Variants in TSHZ2 observed in about 807,000 individuals in gnomAD.
TSHZ2 encodes the protein teashirt zinc finger homeobox 2, also known as teashirt homolog 2.
Under a neutral mutation model 74.4 loss-of-function variants are expected in TSHZ2, and 21 were observed. The observed-to-expected ratio is 0.28, with a 90% CI of 0.20 to 0.41. TSHZ2 has a LOEUF of 0.41. TSHZ2 is among the 10% of genes least tolerant of loss of function. The probability of loss-of-function intolerance (pLI) is 1.00; values close to 1 mark genes in which losing one functional copy is unlikely to be tolerated. For synonymous variants in TSHZ2, 540 were observed against 515.3 expected, an observed-to-expected ratio of 1.05 and a Z score of -0.65; for missense variants, 1,244 against 1,293.5, an observed-to-expected ratio of 0.96 and a Z score of 0.59.
At position 53,083,188 on chromosome 20, in the gene TSHZ2, G is replaced by T. The variant is rs370713306; in HGVS notation, c.40+109855G>T. On this transcript the variant is annotated intron_variant, in intron 1 of 2. Transcript: ENST00000371497. ...AGATTTATTAGAATTCTTTATGTGT[G>T]TGCATTTACAGTTAGGCATCTGTGC... Among the ~76,000 whole-genome samples, 125 of 152,308 alleles carry T rather than the reference G, an allele frequency of 8.2e-4. 4 individuals carry two copies. The South Asian group carries it at 0.025, about 31-fold the overall frequency.
intron 2 of TSHZ2, among the ~76,000 whole-genome samples, chr20:53,422,625 C>T (rs981662138): frequency 6.6e-6 from 1 of 152,156 alleles, no homozygotes. Flanking sequence ...ACTTCCAGCA[C>T]CACAAACACA....
At chr20:53,224,405 G>T (rs542155880) in intron 1 of TSHZ2, among the ~76,000 whole-genome samples, 1 of 152,210 alleles carries the variant, frequency 6.6e-6, no homozygotes, top group Non-Finnish European at 1.5e-5. Context: ...TATCTGGGTG[G>T]TTTTGGGCAA....
intron 1 of TSHZ2, among the ~76,000 whole-genome samples, chr20:53,199,427 T>C (rs1469474248): frequency 3.3e-5 from 5 of 152,108 alleles, no homozygotes; most frequent in African/African-American, 7.2e-5. Flanking sequence ...TGAGCCAAGA[T>C]TGTGCCACTA....
intron 1 of TSHZ2, among the ~76,000 whole-genome samples, chr20:53,200,438 G>C (rs1488385601): frequency 2.0e-5 from 3 of 152,218 alleles, no homozygotes; most frequent in African/African-American, 7.2e-5. Flanking sequence ...GGAGTGATTG[G>C]AAACTTGAAC....
intron 1 of TSHZ2, among the ~76,000 whole-genome samples, chr20:53,127,540 C>CA (rs141939050): frequency 0.015 from 2,306 of 152,008 alleles, 54 homozygotes; most frequent in African/African-American, 0.053. Context: ...ACCCTGTCTC[C>CA]AAAAAAACTT....
At chr20:53,407,778 T>G (rs1402560565) in intron 2 of TSHZ2, among the ~76,000 whole-genome samples, 1 of 152,184 alleles carries the variant, frequency 6.6e-6, no homozygotes, top group Non-Finnish European at 1.5e-5. Flanking sequence ...TTCACTATGG[T>G]GCAGAACAAA....
At chr20:53,090,054 C>G (rs2123257832) in intron 1 of TSHZ2, among the ~76,000 whole-genome samples, 1 of 152,338 alleles carries the variant, frequency 6.6e-6, no homozygotes, top group East Asian at 1.9e-4. Context: ...GCCGAAGGCC[C>G]AAGAGCCCCT....
At chr20:53,257,561 T>C (rs1990509592) in intron 2 of TSHZ2, among the ~76,000 whole-genome samples, 1 of 152,240 alleles carries the variant, frequency 6.6e-6, no homozygotes, top group Admixed American at 6.5e-5. Flanking sequence ...TTTTCAAATG[T>C]TGAGGATAAG....
At chr20:53,278,381 T>C (rs1242819808) in intron 2 of TSHZ2, among the ~76,000 whole-genome samples, 1 of 152,208 alleles carries the variant, frequency 6.6e-6, no homozygotes, top group Non-Finnish European at 1.5e-5. Context: ...CACTCTTCAT[T>C]TATTCCATCA....
chr20:53,263,287 A>G (rs1990638336), intron 2 of TSHZ2, among the ~76,000 whole-genome samples: 1 of 152,216 alleles, frequency 6.6e-6, no homozygotes, highest in Admixed American at 6.5e-5. Flanking sequence ...TCATAGCCAT[A>G]AATAGACACA....
chr20:53,098,889 T>C (rs571387156), intron 1 of TSHZ2, among the ~76,000 whole-genome samples: 2 of 152,370 alleles, frequency 1.3e-5, no homozygotes, highest in Non-Finnish European at 2.9e-5. Context: ...GAATGCAGTC[T>C]TAAGGCCAGG....
intron 1 of TSHZ2, chr20:53,178,875 C>T (rs1461044811): frequency 1.3e-5 from 2 of 152,126 alleles, no homozygotes; most frequent in African/African-American, 4.8e-5. Flanking sequence ...TTTTCATTTT[C>T]TTCTATAGGA....
chr20:53,238,961 T>A (rs760672818), intron 1 of TSHZ2, among the ~76,000 whole-genome samples: 17 of 150,818 alleles, frequency 1.1e-4, no homozygotes, highest in Admixed American at 2.6e-4. Context: ...TGCAGAGCAC[T>A]CCCGCCAAGA....
chr20:53,039,781 A>AACACACACACACACAC (rs61356112), intron 1 of TSHZ2, among the ~76,000 whole-genome samples: 1 of 149,588 alleles, frequency 6.7e-6, no homozygotes, highest in African/African-American at 2.5e-5. Context: ...CTCCATCTCA[A>AACACACACACACACAC]ACACACACAC....
chr20:53,387,082 A>T (rs1393941490), intron 2 of TSHZ2, among the ~76,000 whole-genome samples: 1 of 152,068 alleles, frequency 6.6e-6, no homozygotes, highest in Non-Finnish European at 1.5e-5. Context: ...CTGGCTCCTG[A>T]CTTCACACAC....
chr20:53,200,267 G>A (rs1988970258), intron 1 of TSHZ2, among the ~76,000 whole-genome samples: 1 of 152,148 alleles, frequency 6.6e-6, no homozygotes, highest in Non-Finnish European at 1.5e-5. Context: ...TGTTCATGCA[G>A]TGTCACATGA....
At chr20:53,233,862 G>A (rs1319706127) in intron 1 of TSHZ2, among the ~76,000 whole-genome samples, 3 of 152,176 alleles carry the variant, frequency 2.0e-5, no homozygotes, top group Admixed American at 6.5e-5. Flanking sequence ...CATAGGACCA[G>A]AGACATGGAA....
At chr20:53,410,560 A>C (rs1476264739) in intron 2 of TSHZ2, among the ~76,000 whole-genome samples, 1 of 150,734 alleles carries the variant, frequency 6.6e-6, no homozygotes, top group East Asian at 1.9e-4. Context: ...CCTAAGAAGA[A>C]GTTTGGGAAT....
At position 53,213,697 on chromosome 20, in the gene TSHZ2, CTT is replaced by C. The variant is rs11480283; in HGVS notation, c.41-39789_41-39788del. Among the ~76,000 whole-genome samples the C allele has an allele frequency of 1.6e-4, 23 of 145,290 alleles. 1 individual carries two copies. Among genetic ancestry groups the C allele is most frequent in the Admixed American group, 7.5e-4 (11 of 14,668 alleles). On this transcript the variant is annotated intron_variant, in intron 1 of 2. Transcript: ENST00000371497. ...TTAAGAATTTAATAAACTAATTGGA[CTT>C]TTTTTTTTTTTTGCAATTTCATGCC...
Sources: allele counts gnomAD v4.1 joint callset (sites outside exome capture counted in the v4.1 genomes callset), GRCh38; gene constraint gnomAD v4.1.1; transcripts MANE v1.5; gene names NCBI Gene and HGNC (gene_info 2026-07-23, HGNC 2026-07-21).